MACF1: variants seen among roughly 807,000 people sequenced by gnomAD.
MACF1 encodes microtubule-actin cross-linking factor 1.
In MACF1, 193 loss-of-function variants were observed where a neutral mutation model predicts 854.8. That is an observed-to-expected ratio of 0.23 (90% CI 0.20 to 0.25). The LOEUF (loss-of-function observed/expected upper bound fraction) is 0.25, where lower values mean the gene tolerates loss of function less well. Among genes scored for constraint, MACF1 ranks in the 10% least tolerant of loss-of-function variants. The pLI, the probability that MACF1 is intolerant of heterozygous loss-of-function variation, is 1.00. For synonymous variants in MACF1, 3,185 were observed against 3,226.7 expected (o/e 0.99, Z 0.44); for missense variants, 7,722 against 8,929.1 (o/e 0.86, Z 5.45).
chr1:39,097,087 G>A (rs894910044), intron 2 of MACF1, among the ~76,000 whole-genome samples: 2 of 151,902 alleles, frequency 1.3e-5, no homozygotes, highest in African/African-American at 4.8e-5. Flanking sequence ...ATGTTGGCCA[G>A]GCTGGTCTTG....
chr1:39,460,942 C>A lies in MACF1; in HGVS notation c.21523+148C>A. Reference sequence around the variant, plus strand: ...TTCCAGCACTTTGGGAGGCAGGTGGCAAAGGCATGGTGGCACACTTGCAGT... The same window carrying A: ...TTCCAGCACTTTGGGAGGCAGGTGGAAAAGGCATGGTGGCACACTTGCAGT... On this transcript the variant is annotated intron_variant, in intron 92 of 100. Coordinates refer to ENST00000564288, the MANE Select transcript of MACF1 (RefSeq NM_001394062.1). This position sits in a 1 kb window ranked among gnomAD's most constrained non-coding sequence, Gnocchi z 4.1. 5.8e-6 allele frequency: 5 copies of A among 866,044 alleles called. No homozygotes were observed. Among genetic ancestry groups the A allele is most frequent in the Non-Finnish European group, 9.1e-6 (5 of 551,470 alleles). The allele number at this position is 866,044 out of a possible 1,614,324, so 53.6% of individuals were successfully genotyped here.
chr1:39,353,693 T>A (rs1270321759), intron 44 of MACF1, among the ~76,000 whole-genome samples: 2 of 152,158 alleles, frequency 1.3e-5, no homozygotes, highest in Non-Finnish European at 2.9e-5. Flanking sequence ...AAAATGGAAC[T>A]CCTATTTCCT....
intron 2 of MACF1, among the ~76,000 whole-genome samples, chr1:39,248,566 T>A (rs11205823): frequency 0.66 from 99,943 of 151,306 alleles, 33,528 homozygotes; most frequent in South Asian, 0.79. Context: ...AGTTTTCCAC[T>A]CAAATGTAAA....
intron 2 of MACF1, among the ~76,000 whole-genome samples, chr1:39,231,966 C>T (rs185154682): frequency 1.8e-4 from 27 of 151,500 alleles, no homozygotes; most frequent in African/African-American, 6.3e-4. Context: ...ATTTTACCAC[C>T]AGGTAGTCTA....
intron 2 of MACF1, among the ~76,000 whole-genome samples, chr1:39,132,703 T>C (rs771869234): frequency 2.0e-5 from 3 of 152,110 alleles, no homozygotes; most frequent in Non-Finnish European, 4.4e-5. Flanking sequence ...TCCTGTTTGA[T>C]AGCATATTTT....
chr1:39,372,075 T>C (rs1254526974), intron 51 of MACF1, among the ~76,000 whole-genome samples: 1 of 152,102 alleles, frequency 6.6e-6, no homozygotes, highest in South Asian at 2.1e-4. Flanking sequence ...CGCCTCAGCC[T>C]CCCAAAGTGC....
chr1:39,337,446 A>G (rs1434287172), intron 38 of MACF1, 115 bp downstream of exon 38: 17 of 961,038 alleles, frequency 1.8e-5, no homozygotes, highest in Admixed American at 3.0e-5. Context: ...AGGGTAAACA[A>G]TCTCAGACCC....
At chr1:39,189,769 C>T (rs747665413) in intron 2 of MACF1, among the ~76,000 whole-genome samples, 1 of 152,170 alleles carries the variant, frequency 6.6e-6, no homozygotes, top group African/African-American at 2.4e-5. Context: ...TTCTTATAGT[C>T]TTGCCCTCCT....
At chr1:39,384,655 T>C (rs1650530822) in intron 56 of MACF1, among the ~76,000 whole-genome samples, 1 of 152,230 alleles carries the variant, frequency 6.6e-6, no homozygotes, top group Non-Finnish European at 1.5e-5. Context: ...CTAATTATGC[T>C]ATATTATAAA....
chr1:39,315,049 A>C (rs1038150278), intron 26 of MACF1, among the ~76,000 whole-genome samples: 1 of 152,226 alleles, frequency 6.6e-6, no homozygotes, highest in Admixed American at 6.5e-5. Flanking sequence ...GTAAAACATT[A>C]ACATGGTTCT....
chr1:39,478,369 C>T (rs1644950655), intron 97 of MACF1, among the ~76,000 whole-genome samples: 1 of 152,142 alleles, frequency 6.6e-6, no homozygotes, highest in Non-Finnish European at 1.5e-5. Context: ...AACAGCTTAG[C>T]ATTTCAGGGA....
intron 1 of MACF1, 129 bp from the exon 2 acceptor site, chr1:39,231,053 A>G (rs1644771944): frequency 2.7e-6 from 2 of 733,536 alleles, no homozygotes; most frequent in Non-Finnish European, 4.9e-6. Flanking sequence ...CTTCCTAAGA[A>G]GAAGTCACTG....
chr1:39,310,671 T>A (rs1646281665), intron 25 of MACF1, among the ~76,000 whole-genome samples, 160 bp from the exon 26 acceptor site: 1 of 152,230 alleles, frequency 6.6e-6, no homozygotes, highest in Non-Finnish European at 1.5e-5. Flanking sequence ...CTGTAACATG[T>A]TTGGACTCTC....
intron 2 of MACF1, among the ~76,000 whole-genome samples, chr1:39,167,103 A>G (rs1643890101): frequency 6.6e-6 from 1 of 151,968 alleles, no homozygotes; most frequent in Non-Finnish European, 1.5e-5. Context: ...CTGGGATTAC[A>G]GGCGCCTGCC....
intron 5 of MACF1, chr1:39,254,595 C>A: frequency 6.4e-6 from 3 of 465,518 alleles, no homozygotes; most frequent in South Asian, 4.0e-5. Context: ...AGAATGTTCA[C>A]GGAGAAGAAC....
chr1:39,294,049 A>C (rs1448994090), intron 18 of MACF1, among the ~76,000 whole-genome samples: 1 of 152,160 alleles, frequency 6.6e-6, no homozygotes. Flanking sequence ...CCCTAATAGC[A>C]CGTATTCCCC....
chr1:39,322,073 T>C (rs1646525593), intron 31 of MACF1, among the ~76,000 whole-genome samples: 1 of 152,174 alleles, frequency 6.6e-6, no homozygotes, highest in Non-Finnish European at 1.5e-5. Flanking sequence ...AAAATGAGAA[T>C]ACTGGTTCAG....
At chr1:39,100,153 C>G (rs891688853) in intron 2 of MACF1, among the ~76,000 whole-genome samples, 9 of 152,140 alleles carry the variant, frequency 5.9e-5, no homozygotes, top group Admixed American at 5.2e-4. Flanking sequence ...ATTGCTTGAG[C>G]CTAAGAGGCA....
chr1:39,257,256 C>T (rs897806847), intron 5 of MACF1, among the ~76,000 whole-genome samples: 3 of 152,142 alleles, frequency 2.0e-5, no homozygotes, highest in Middle Eastern at 3.2e-3. Context: ...ATTCATGCAA[C>T]AGCTTGGATA....
Sources: allele counts gnomAD v4.1 joint callset (sites outside exome capture counted in the v4.1 genomes callset), GRCh38; gene constraint gnomAD v4.1.1; non-coding constraint Gnocchi (gnomAD v3.1); transcripts MANE v1.5; gene names NCBI Gene and HGNC (gene_info 2026-07-23, HGNC 2026-07-21).